The following DNPEP variants were observed in gnomAD, a reference collection of about 807,000 sequenced individuals.
The protein encoded by DNPEP is aspartyl aminopeptidase.
A neutral mutation model predicts 59.1 loss-of-function variants in DNPEP; 46 were observed. The observed-to-expected ratio is 0.78, with a 90% CI of 0.61 to 0.99. The LOEUF (loss-of-function observed/expected upper bound fraction) is 0.99. Ranked by LOEUF, DNPEP falls within the 50% of genes least tolerant of loss-of-function variation. DNPEP has a pLI of 0.00. For missense variants in DNPEP, 617 were observed against 649.9 expected (o/e 0.95, Z 0.55); for synonymous variants, 229 against 242.2 (o/e 0.95, Z 0.50).
chr2:219,385,492 C>T lies in DNPEP; in HGVS notation c.706G>A (p.Ala236Thr). The T allele has an allele frequency of 6.2e-7, 1 of 1,607,550 alleles. No homozygotes were observed. Among genetic ancestry groups the T allele is most frequent in the South Asian group, 1.1e-5 (1 of 90,908 alleles). ...TCCTTGGGGCTCAGCCCCAGATGGG[C>T]ACAGAGCAGGGACATGAGGACCGAA... is the stretch of plus-strand genomic sequence containing the variant. ...HHSVLMSLLCAHLGLSPKDIV... is the reference protein window; with the variant it reads ...HHSVLMSLLCTHLGLSPKDIV... Residue 236 changes from alanine (A) to threonine (T), a missense_variant, in exon 8 of 15, where the codon GCC (alanine) becomes ACC (threonine). Physicochemically the swap from Ala to Thr is moderately conservative, Grantham distance 58 (BLOSUM62 0). Transcript: ENST00000273075.
chr2:219,381,094 C>G (rs1479318119), intron 13 of DNPEP, among the ~76,000 whole-genome samples: 1 of 152,196 alleles, frequency 6.6e-6, no homozygotes, highest in Non-Finnish European at 1.5e-5. Flanking sequence ...CACCCCTATT[C>G]TACAGATGTG....
intron 13 of DNPEP, among the ~76,000 whole-genome samples, chr2:219,377,190 C>T (rs941669789): frequency 7.4e-6 from 1 of 134,374 alleles, no homozygotes; most frequent in Non-Finnish European, 1.5e-5. Context: ...AGAAGGATCA[C>T]TTGAACCAGG....
chr2:219,374,289 G>A lies in DNPEP; in HGVS notation c.*3C>T, dbSNP rs780050414. ...GATGGCAGAGAAGTCTTTCCAAGAG[G>A]GCTCAATCCACTAAGAGATTATGGC... is the stretch of plus-strand genomic sequence containing the variant. On this transcript the variant is annotated 3_prime_UTR_variant, in exon 15 of 15. Coordinates refer to ENST00000273075, the MANE Select transcript of DNPEP (RefSeq NM_012100.4). 62 of 1,613,616 alleles carry A rather than the reference G, an allele frequency of 3.8e-5. No homozygotes were observed. The highest frequency in any genetic ancestry group is 3.3e-5 in the Admixed American group (2 of 59,998).
chr2:219,384,298 TC>T, intron 9 of DNPEP, 67 bp downstream of exon 9: 2 of 1,478,104 alleles, frequency 1.4e-6, no homozygotes, highest in Non-Finnish European at 1.8e-6. Flanking sequence ...TTTAGGCAGC[TC>T]CCCCGACCCC....
At chr2:219,381,947 T>C (rs1219697141) in intron 11 of DNPEP, 32 bp downstream of exon 11, 4 of 1,611,812 alleles carry the variant, frequency 2.5e-6, no homozygotes, top group Non-Finnish European at 3.4e-6. Flanking sequence ...TCCAGCTATG[T>C]GAAGACTGTG....
At chr2:219,391,034 G>A (rs751906947), upstream of DNPEP, among the ~76,000 whole-genome samples, 11 of 152,110 alleles carry the variant, frequency 7.2e-5, no homozygotes, top group Non-Finnish European at 1.5e-4. Context: ...ATGACTCTAA[G>A]TTTTCTACTT....
In DNPEP at chr2:219,384,457, ACAGT is replaced by A. The variant is rs1322531477; in HGVS notation, c.775-18_775-15del. 1 of 1,605,226 alleles carries A rather than the reference ACAGT, an allele frequency of 6.2e-7. No individual in the cohort carries two copies. The highest frequency in any genetic ancestry group is 1.3e-5 in the African/African-American group (1 of 74,492). Reference sequence around the variant, plus strand: ...ACCACCCAAGACCTAGAGAGGTAAGACAGTCAGCCCGACCTTCAACCCTCCACCC... The same window carrying A: ...ACCACCCAAGACCTAGAGAGGTAAGACAGCCCGACCTTCAACCCTCCACCC... On this transcript the variant is annotated splice_polypyrimidine_tract_variant and intron_variant, in intron 8 of 14. Coordinates refer to ENST00000273075, the MANE Select transcript of DNPEP (RefSeq NM_012100.4).
intron 1 of DNPEP, among the ~76,000 whole-genome samples, chr2:219,396,231 C>CT (rs1004794391): frequency 1.5e-4 from 23 of 152,156 alleles, no homozygotes; most frequent in African/African-American, 5.6e-4. Context: ...GGTTATGACT[C>CT]TAACCATGAT....
At chr2:219,381,247 C>T in intron 13 of DNPEP, 88 bp downstream of exon 13, 1 of 1,189,226 alleles carries the variant, frequency 8.4e-7, no homozygotes, top group Non-Finnish European at 1.2e-6. Context: ...AGGCCATCTA[C>T]CAGGTTCCCT....
At chr2:219,376,856 T>A (rs1382026511) in intron 13 of DNPEP, among the ~76,000 whole-genome samples, 1 of 143,528 alleles carries the variant, frequency 7.0e-6, no homozygotes, top group Non-Finnish European at 1.6e-5. Flanking sequence ...AAGCACTATA[T>A]AATGAAAGGA....
At chr2:219,388,815 A>G, upstream of DNPEP, 2 of 985,408 alleles carry the variant, frequency 2.0e-6, no homozygotes, top group Non-Finnish European at 2.4e-6. Context: ...TAGCTTTATG[A>G]TAAAGATTGG....
At chr2:219,395,618 C>A (rs1007856365) in intron 1 of DNPEP, among the ~76,000 whole-genome samples, 1 of 152,242 alleles carries the variant, frequency 6.6e-6, no homozygotes, top group African/African-American at 2.4e-5. Flanking sequence ...TAAATGGCAA[C>A]TTTGTCCTTC....
intron 1 of DNPEP, among the ~76,000 whole-genome samples, chr2:219,398,325 G>A (rs751686728): frequency 3.7e-4 from 56 of 152,228 alleles, no homozygotes; most frequent in Non-Finnish European, 7.5e-4. Flanking sequence ...CTCAATGAAT[G>A]TTTACTAAAT....
At position 219,386,200 on chromosome 2, in the gene DNPEP, C is replaced by T; in HGVS notation, c.459+86G>A. ...AGGGTGGTCCTCTGACCAGACTGCCCCCACCCCTCTTCCCCACGGGTACCC... is the reference window on the plus strand; with the variant it reads ...AGGGTGGTCCTCTGACCAGACTGCCTCCACCCCTCTTCCCCACGGGTACCC... On this transcript the variant is annotated intron_variant, in intron 5 of 14. Coordinates refer to ENST00000273075, the MANE Select transcript of DNPEP (RefSeq NM_012100.4). The T allele has an allele frequency of 6.8e-6, 11 of 1,609,812 alleles. No individual in the cohort carries two copies. In the South Asian group the frequency reaches 1.2e-4, roughly 18 times the overall value.
Position 219,386,392 on chromosome 2 carries a change from C to CG in DNPEP, c.352dup (p.Arg118ProfsTer24). 4 of 1,614,188 alleles carry CG rather than the reference C, an allele frequency of 2.5e-6. No homozygotes were observed. Among genetic ancestry groups the CG allele is most frequent in the Non-Finnish European group, 3.4e-6 (4 of 1,180,024 alleles). On this transcript the variant is annotated frameshift_variant, in exon 5 of 15. Coordinates refer to ENST00000273075, the MANE Select transcript of DNPEP (RefSeq NM_012100.4). LOFTEE classifies it high-confidence loss of function. Reference sequence around the variant, plus strand: ...GACTTGCTGGAAGCCCACCTGGCTGCGGCGAGACCGACGTTTCACCTGAGT... The same window carrying CG: ...GACTTGCTGGAAGCCCACCTGGCTGCGGGCGAGACCGACGTTTCACCTGAGT...
chr2:219,399,530 C>G (rs766138382), intron 1 of DNPEP: 22 of 511,216 alleles, frequency 4.3e-5, no homozygotes, highest in Non-Finnish European at 7.2e-5. Flanking sequence ...CTTTAGATCA[C>G]CCTGAGAAAC....
chr2:219,387,479 C>T lies in DNPEP; in HGVS notation c.36+280G>A, dbSNP rs980345759. The T allele has an allele frequency of 5.6e-6, 8 of 1,437,432 alleles. No homozygotes were observed. In the African/African-American group the frequency reaches 5.8e-5, roughly 10 times the overall value. The allele number at this position is 1,437,432 out of a possible 1,614,324, so 89.0% of individuals were successfully genotyped here. On this transcript the variant is annotated intron_variant, in intron 1 of 14. Transcript: ENST00000273075. The stretch of plus-strand genomic sequence containing the variant: ...CCAAACTCCGGGATCCCAAGCGGGC[C>T]CCATACTCTGAGGCGGCCTGCATCA...
At chr2:219,393,990 C>G (rs140772961) in intron 1 of DNPEP, among the ~76,000 whole-genome samples, 387 of 152,248 alleles carry the variant, frequency 2.5e-3, no homozygotes, top group African/African-American at 8.9e-3. Flanking sequence ...ACAGTTCTGG[C>G]GGGTCAAGCT....
intron 4 of DNPEP, 32 bp from the exon 5 acceptor site, chr2:219,386,443 CT>C (rs1425497685): frequency 2.5e-6 from 4 of 1,613,612 alleles, no homozygotes; most frequent in Non-Finnish European, 3.4e-6. Context: ...TCAGAGAAGG[CT>C]TCATGACGAT....
Sources: allele counts gnomAD v4.1 joint callset (sites outside exome capture counted in the v4.1 genomes callset), GRCh38; gene constraint gnomAD v4.1.1; transcripts MANE v1.5; gene names NCBI Gene and HGNC (gene_info 2026-07-23, HGNC 2026-07-21).